SP2: variants seen among roughly 807,000 people sequenced by gnomAD.
The protein encoded by SP2 is Sp2 transcription factor, also known as transcription factor Sp2.
A neutral mutation model predicts 50.1 loss-of-function variants in SP2; 9 were observed. The observed-to-expected ratio is 0.18, with a 90% CI of 0.11 to 0.31. The LOEUF (loss-of-function observed/expected upper bound fraction) is 0.31. SP2 is among the 10% of genes least tolerant of loss of function. SP2 has a pLI of 1.00. For missense variants in SP2, 581 were observed against 806.5 expected, an observed-to-expected ratio of 0.72 and a Z score of 3.39; for synonymous variants, 313 against 326.6, an observed-to-expected ratio of 0.96 and a Z score of 0.45.
At chr17:47,924,478 G>A (rs1486388462) in intron 4 of SP2, among the ~76,000 whole-genome samples, 1 of 152,220 alleles carries the variant, frequency 6.6e-6, no homozygotes, top group African/African-American at 2.4e-5. Context: ...TTTCCTAAAA[G>A]CAGAGTTGGT....
chr17:47,908,499 G>A (rs2034851564), intron 1 of SP2: 1 of 152,096 alleles, frequency 6.6e-6, no homozygotes, highest in Admixed American at 6.6e-5. Flanking sequence ...GGTCTGAGAA[G>A]TATAAAAATC....
intron 1 of SP2, among the ~76,000 whole-genome samples, chr17:47,909,091 T>C (rs2034878222): frequency 6.6e-6 from 1 of 152,198 alleles, no homozygotes; most frequent in African/African-American, 2.4e-5. Context: ...ATGTCCCCAC[T>C]CTGGCACCCT....
chr17:47,923,398 G>A (rs928752540), intron 4 of SP2, 124 bp downstream of exon 4: 19 of 779,548 alleles, frequency 2.4e-5, no homozygotes, highest in Non-Finnish European at 3.2e-5. Flanking sequence ...TAGCTTAAGG[G>A]TACGTCCACC....
chr17:47,915,753 T>C (rs2035174348), intron 2 of SP2, among the ~76,000 whole-genome samples: 1 of 152,142 alleles, frequency 6.6e-6, no homozygotes, highest in African/African-American at 2.4e-5. Flanking sequence ...TGCCCCTCCA[T>C]TTTTTCCTCC....
intron 1 of SP2, among the ~76,000 whole-genome samples, chr17:47,903,537 G>A (rs1193896167): frequency 5.3e-5 from 8 of 152,066 alleles, no homozygotes; most frequent in African/African-American, 1.7e-4. Context: ...CGTGGTGTCA[G>A]GCCCGTGTAA....
chr17:47,903,929 A>G (rs1598106435), intron 1 of SP2, among the ~76,000 whole-genome samples: 1 of 151,038 alleles, frequency 6.6e-6, no homozygotes, highest in South Asian at 2.1e-4. Flanking sequence ...GTGCCACTGC[A>G]CTCCAGCCTG....
intron 3 of SP2, chr17:47,917,903 T>A (rs1412728513): frequency 3.7e-6 from 1 of 273,802 alleles, no homozygotes; most frequent in Non-Finnish European, 7.7e-6. Context: ...TATTCTTTGT[T>A]CATGCCTGCT....
rs1311943686 is a variant in SP2, at chr17:47,923,287, C to T, written c.1372+13C>T. The T allele has an allele frequency of 6.3e-7, 1 of 1,590,976 alleles. No homozygotes were observed. The highest frequency in any genetic ancestry group is 8.5e-7 in the Non-Finnish European group (1 of 1,172,832). ...ACCAACACAGGCGGTGAGGATGGCC[C>T]CTGTGGCCAGGGTGTTGGCAGTGGT... On this transcript the variant is annotated intron_variant, in intron 4 of 6. Coordinates refer to ENST00000376741, the MANE Select transcript of SP2 (RefSeq NM_003110.6).
At chr17:47,907,032 A>G (rs1035970843) in intron 1 of SP2, among the ~76,000 whole-genome samples, 2 of 152,066 alleles carry the variant, frequency 1.3e-5, no homozygotes, top group African/African-American at 4.8e-5. Flanking sequence ...GAGAAAATCC[A>G]TGGGAATTTT....
At chr17:47,901,655 G>A (rs2069172187) in intron 1 of SP2, among the ~76,000 whole-genome samples, 1 of 152,186 alleles carries the variant, frequency 6.6e-6, no homozygotes, top group Non-Finnish European at 1.5e-5. Context: ...TTGGCCAGGA[G>A]CAGGACTGGA....
At chr17:47,907,186 G>T (rs1218619272) in intron 1 of SP2, among the ~76,000 whole-genome samples, 1 of 151,972 alleles carries the variant, frequency 6.6e-6, no homozygotes, top group East Asian at 1.9e-4. Flanking sequence ...GGAGGGAGGG[G>T]ACGGCAGGGT....
At chr17:47,920,669 C>T (rs1178617638) in intron 3 of SP2, among the ~76,000 whole-genome samples, 1 of 152,046 alleles carries the variant, frequency 6.6e-6, no homozygotes, top group East Asian at 1.9e-4. Flanking sequence ...GATCCACCCG[C>T]CTCGGCCTCC....
At chr17:47,909,940 A>G (rs995720543) in intron 1 of SP2, among the ~76,000 whole-genome samples, 1 of 152,138 alleles carries the variant, frequency 6.6e-6, no homozygotes, top group Non-Finnish European at 1.5e-5. Flanking sequence ...CTCTGCCTCC[A>G]AAGTTCAAAC....
intron 3 of SP2, among the ~76,000 whole-genome samples, chr17:47,919,685 A>G (rs1245665593): frequency 6.6e-6 from 1 of 152,140 alleles, no homozygotes; most frequent in Non-Finnish European, 1.5e-5. Context: ...GCAGTGAAAC[A>G]CACTGCTAAT....
chr17:47,914,104 C>T (rs1567695390), intron 1 of SP2, among the ~76,000 whole-genome samples: 2 of 152,144 alleles, frequency 1.3e-5, no homozygotes, highest in African/African-American at 2.4e-5. Flanking sequence ...GGGATGGTGG[C>T]TCACGCCTGT....
chr17:47,930,313 C>T (rs984916120), downstream of SP2, among the ~76,000 whole-genome samples: 6 of 152,196 alleles, frequency 3.9e-5, no homozygotes, highest in Non-Finnish European at 2.9e-5. Context: ...TTTCCCTTGG[C>T]TTTGCTCTCA....
chr17:47,901,344 A>G (rs998391476), intron 1 of SP2, among the ~76,000 whole-genome samples: 9 of 152,066 alleles, frequency 5.9e-5, no homozygotes, highest in African/African-American at 2.2e-4. Flanking sequence ...ACGGGGTTTC[A>G]CTGTGTTGGC....
At position 47,918,753 on chromosome 17, in the gene SP2, C is replaced by T. The variant is rs982848167; in HGVS notation, c.1059+1623C>T. Among the ~76,000 whole-genome samples, 12 of 152,058 alleles carry T rather than the reference C, an allele frequency of 7.9e-5. No individual in the cohort carries two copies. In the East Asian group the frequency reaches 2.1e-3, roughly 27 times the overall value. ...AATCCCTGAAAGTGGGTCAAGGACA[C>T]GTACATTTTTAAAAAATTTGTATTC... is the stretch of plus-strand genomic sequence containing the variant. On this transcript the variant is annotated intron_variant, in intron 3 of 6. Transcript: ENST00000376741.
rs773602999 is a variant in SP2, at chr17:47,922,997, A to G, written c.1095A>G (p.Thr365=). ...GCACGCCTTCCGGTGAGGTGCAGAC[A>G]GTCCTTGTCCAGGACAGCCCCCCAG... The part of the protein sequence containing the change: ...YIRTPSGEVQ[T]VLVQDSPPAT... The change falls in exon 4 of 7, where the codon ACA becomes ACG. Residue 365 remains threonine, a synonymous_variant. Coordinates refer to ENST00000376741, the MANE Select transcript of SP2 (RefSeq NM_003110.6). The G allele has an allele frequency of 2.9e-5, 46 of 1,614,026 alleles. 1 individual carries two copies. The South Asian group carries it at 3.1e-4, about 11-fold the overall frequency.
Sources: gnomAD v4.1 joint callset for allele counts (sites outside exome capture counted in the v4.1 genomes callset) on GRCh38, gnomAD v4.1.1 for gene constraint, MANE v1.5 for transcripts, NCBI Gene and HGNC (gene_info 2026-07-23, HGNC 2026-07-21) for gene names.